The following MACF1 variants were observed in gnomAD, a reference collection of about 807,000 sequenced individuals.
MACF1 encodes the protein microtubule-actin cross-linking factor 1.
Under a neutral mutation model 854.8 loss-of-function variants are expected in MACF1, and 193 were observed. That is an observed-to-expected ratio of 0.23 (90% CI 0.20 to 0.25). MACF1 has a LOEUF of 0.25. MACF1 is among the 10% of genes least tolerant of loss of function. MACF1 has a pLI of 1.00. For synonymous variants in MACF1, 3,185 were observed against 3,226.7 expected (o/e 0.99, Z 0.44); for missense variants, 7,722 against 8,929.1 (o/e 0.86, Z 5.45).
Position 39,087,208 on chromosome 1 carries a change from G to T in MACF1, c.220+2770G>T, listed in dbSNP as rs199820265. On this transcript the variant is annotated intron_variant, in intron 2 of 93. Coordinates refer to the MACF1 transcript ENST00000361689. ...TGGGAGGAAATGAAGTCAGTCTTACGCTGGAAGCCAGCTGTGGCCTGTGCA... is the reference window on the plus strand; with the variant it reads ...TGGGAGGAAATGAAGTCAGTCTTACTCTGGAAGCCAGCTGTGGCCTGTGCA... Among the ~76,000 whole-genome samples the T allele has an allele frequency of 2.6e-5, 4 of 152,234 alleles. No individual in the cohort carries two copies. The East Asian group carries it at 7.7e-4, about 29-fold the overall frequency.
At position 39,346,956 on chromosome 1, in the gene MACF1, TC is replaced by T; in HGVS notation, c.10582-19del. ...GTATCATGGTTTTTTGTGTTTTGTT[TC>T]CTTTTTCCATTTACCTTAGGATTTG... On this transcript the variant is annotated intron_variant, in intron 40 of 100. Transcript: ENST00000564288. 2 of 1,544,060 alleles carry T rather than the reference TC, an allele frequency of 1.3e-6. No individual in the cohort carries two copies. The highest frequency in any genetic ancestry group is 1.8e-6 in the Non-Finnish European group (2 of 1,127,400).
At chr1:39,221,147 G>T (rs1644647341) in intron 1 of MACF1, among the ~76,000 whole-genome samples, 1 of 152,176 alleles carries the variant, frequency 6.6e-6, no homozygotes, top group East Asian at 1.9e-4. Flanking sequence ...GCAGGGGAGA[G>T]TGAAAGGTAG....
intron 1 of MACF1, among the ~76,000 whole-genome samples, chr1:39,227,100 G>A (rs954927651): frequency 7.2e-5 from 11 of 152,166 alleles, no homozygotes; most frequent in Non-Finnish European, 1.6e-4. Flanking sequence ...CCCTGCTAGA[G>A]TGCAGTGGCA....
At chr1:39,179,277 C>T (rs139477327) in intron 2 of MACF1, among the ~76,000 whole-genome samples, 25 of 152,328 alleles carry the variant, frequency 1.6e-4, no homozygotes, top group East Asian at 9.6e-4. Flanking sequence ...ACTTGCTCCA[C>T]TCAGAACAGA....
intron 97 of MACF1, among the ~76,000 whole-genome samples, chr1:39,478,847 C>G (rs1644960459): frequency 6.6e-6 from 1 of 152,142 alleles, no homozygotes; most frequent in African/African-American, 2.4e-5. Context: ...ATTTGTTTAG[C>G]TGTGTCTAGT....
chr1:39,238,049 C>T (rs1241704581), intron 2 of MACF1, among the ~76,000 whole-genome samples: 2 of 152,118 alleles, frequency 1.3e-5, no homozygotes, highest in African/African-American at 4.8e-5. Context: ...TCTCAACTCC[C>T]GTTCTCCCTA....
intron 71 of MACF1, 152 bp downstream of exon 71, chr1:39,438,160 G>A (rs1374146672): frequency 4.0e-6 from 3 of 748,606 alleles, no homozygotes; most frequent in Admixed American, 5.8e-5. Flanking sequence ...AAATCATTTG[G>A]AATTCAGAAC....
At chr1:39,248,300 C>CT (rs944205543) in intron 2 of MACF1, among the ~76,000 whole-genome samples, 12 of 151,422 alleles carry the variant, frequency 7.9e-5, no homozygotes, top group Admixed American at 1.3e-4. Context: ...ATCCTACTTT[C>CT]TTTTTTTTTA....
At chr1:39,441,381 T>C (rs988003348) in intron 74 of MACF1, 56 bp downstream of exon 74, 17 of 1,435,286 alleles carry the variant, frequency 1.2e-5, no homozygotes, top group Non-Finnish European at 1.6e-5. Context: ...TTTGCCATTT[T>C]TGTCATTTTT....
chr1:39,337,356 C>T, intron 38 of MACF1, 25 bp downstream of exon 38: 1 of 1,609,018 alleles, frequency 6.2e-7, no homozygotes, highest in Non-Finnish European at 8.5e-7. Context: ...ACTTCCACCA[C>T]AGACACCAGC....
intron 20 of MACF1, among the ~76,000 whole-genome samples, chr1:39,296,831 G>GAAAAGAAAGA (rs1553228118): frequency 1.0e-4 from 13 of 124,686 alleles, no homozygotes; most frequent in Middle Eastern, 4.2e-3. Context: ...AGGAAGGAAG[G>GAAAAGAAAGA]AAGGAAGGAA....
intron 54 of MACF1, among the ~76,000 whole-genome samples, chr1:39,379,938 A>T (rs867819835): frequency 6.6e-6 from 1 of 152,206 alleles, no homozygotes; most frequent in Non-Finnish European, 1.5e-5. Context: ...GTAGCATCTC[A>T]TCTCCTTCAA....
chr1:39,416,191 T>A (rs1176701867), intron 58 of MACF1, among the ~76,000 whole-genome samples: 1 of 152,194 alleles, frequency 6.6e-6, no homozygotes, highest in African/African-American at 2.4e-5. Flanking sequence ...CCAGTTATTT[T>A]GTCAGGTAGC....
chr1:39,273,131 A>ATT (rs561821846), intron 6 of MACF1, among the ~76,000 whole-genome samples: 150 of 120,428 alleles, frequency 1.2e-3, no homozygotes, highest in African/African-American at 2.6e-3. Flanking sequence ...CTCTATACCA[A>ATT]TTTTTTTTTT....
In MACF1 at chr1:39,378,264, C is replaced by T. The variant is rs149844879; in HGVS notation, c.13214-197C>T. On this transcript the variant is annotated intron_variant, in intron 52 of 100. Coordinates refer to ENST00000564288, the MANE Select transcript of MACF1 (RefSeq NM_001394062.1). ...CCTCTAGAAGGGATTAAGAATCATT[C>T]CTGCTAAGAACCTTGAGTGACGTTT... is the stretch of plus-strand genomic sequence containing the variant. 9.9e-5 allele frequency among the ~76,000 whole-genome samples: 15 copies of T among 152,250 alleles called. No homozygotes were observed. In the East Asian group the frequency reaches 2.3e-3, roughly 23 times the overall value.
At chr1:39,305,284 G>T (rs1408367584) in intron 23 of MACF1, among the ~76,000 whole-genome samples, 2 of 150,846 alleles carry the variant, frequency 1.3e-5, no homozygotes, top group South Asian at 2.1e-4. Flanking sequence ...AAAAGTGTGT[G>T]TGTGTATATA....
At chr1:39,417,797 C>T (rs541401124) in intron 58 of MACF1, among the ~76,000 whole-genome samples, 4 of 129,840 alleles carry the variant, frequency 3.1e-5, no homozygotes, top group Non-Finnish European at 6.2e-5. Flanking sequence ...AGGCTGGTCT[C>T]GAACTCCTGA....
rs1488100298 is a variant in MACF1, at chr1:39,435,601, A to G, written c.17828A>G (p.Lys5943Arg). ...GCTGAACACAAACCTCATATTGACA[A>G]ACTACTAAAGATAGGCCCACAACTA... ...SIAEHKPHID[K>R]LLKIGPQLKE... Residue 5943 changes from lysine (K) to arginine (R), a missense_variant, in exon 70 of 101, where the codon AAA (lysine) becomes AGA (arginine). Physicochemically the swap from Lys to Arg is conservative, Grantham distance 26. Transcript: ENST00000564288. The G allele has an allele frequency of 1.2e-6, 2 of 1,614,230 alleles. No homozygotes were observed. The highest frequency in any genetic ancestry group is 1.7e-6 in the Non-Finnish European group (2 of 1,180,038).
intron 78 of MACF1, 45 bp from the exon 79 acceptor site, chr1:39,443,400 CT>C (rs1644159271): frequency 6.4e-7 from 1 of 1,555,914 alleles, no homozygotes; most frequent in Non-Finnish European, 8.6e-7. Context: ...ACTTTTAAAG[CT>C]GAGAAATGAC....
Sources: allele counts gnomAD v4.1 joint callset (sites outside exome capture counted in the v4.1 genomes callset), GRCh38; gene constraint gnomAD v4.1.1; transcripts MANE v1.5; gene names NCBI Gene and HGNC (gene_info 2026-07-23, HGNC 2026-07-21).